The following SUGCT variants were observed in gnomAD, a reference collection of about 807,000 sequenced individuals.
SUGCT encodes the protein succinyl-CoA:glutarate CoA-transferase.
SUGCT carries 41 observed loss-of-function variants against 55.0 expected under a neutral mutation model. The ratio of observed to expected loss-of-function variants is 0.74; its 90% CI spans 0.58 to 0.97. SUGCT has a LOEUF of 0.97. SUGCT is among the 50% of genes least tolerant of loss of function. The pLI is 0.00. For missense variants in SUGCT, 568 were observed against 547.8 expected, an observed-to-expected ratio of 1.04 and a Z score of -0.37; for synonymous variants, 187 against 200.4, an observed-to-expected ratio of 0.93 and a Z score of 0.56.
rs778913706 is a variant in SUGCT, at chr7:40,448,924, A to ATGTG, written c.817-339_817-336dup. Among the ~76,000 whole-genome samples the ATGTG allele has an allele frequency of 5.0e-3, 722 of 145,188 alleles. 7 individuals are homozygous for ATGTG. The highest frequency in any genetic ancestry group is 0.015 in the African/African-American group (602 of 39,430). ...CACATATGTGTGTGTGTGTGTATAT[A>ATGTG]TGTGTGTGTGTGTGTGTGTGTGTGT... On this transcript the variant is annotated intron_variant, in intron 9 of 13. Coordinates refer to ENST00000335693, the MANE Select transcript of SUGCT (RefSeq NM_001193313.2).
At chr7:40,610,187 G>A (rs183386523) in intron 12 of SUGCT, among the ~76,000 whole-genome samples, 10 of 152,330 alleles carry the variant, frequency 6.6e-5, no homozygotes, top group African/African-American at 2.2e-4. Flanking sequence ...CTCTGGAAGG[G>A]AAGTGTGAAG....
At chr7:40,357,787 TTGATTTTTTTAACCATTTAAAAA>T (rs1476398570) in intron 9 of SUGCT, among the ~76,000 whole-genome samples, 22 of 152,310 alleles carry the variant, frequency 1.4e-4, no homozygotes, top group South Asian at 1.2e-3. Context: ...TAATCTTCTT[TTGATTTTTTTAACCATTTAAAAA>T]TGATTTTTTT....
chr7:40,870,487 T>C, the SUGCT span, among the ~76,000 whole-genome samples: 1 of 152,086 alleles, frequency 6.6e-6, no homozygotes, highest in African/African-American at 2.4e-5. Context: ...CCAAAATAAC[T>C]CCTCCATCTC....
the SUGCT span, among the ~76,000 whole-genome samples, chr7:40,934,777 G>A: frequency 6.6e-6 from 1 of 152,188 alleles, no homozygotes; most frequent in Non-Finnish European, 1.5e-5. Flanking sequence ...CTGATCTGCC[G>A]GTTGCTAAGG....
At chr7:40,702,308 C>A (rs973389662) in intron 12 of SUGCT, among the ~76,000 whole-genome samples, 1 of 152,232 alleles carries the variant, frequency 6.6e-6, no homozygotes, top group African/African-American at 2.4e-5. Flanking sequence ...TCTAACCTCT[C>A]ACTGTGTCAA....
At chr7:40,732,828 G>A (rs183054487) in intron 12 of SUGCT, among the ~76,000 whole-genome samples, 29 of 152,200 alleles carry the variant, frequency 1.9e-4, no homozygotes, top group South Asian at 1.0e-3. Context: ...GAGCCAACAC[G>A]CCTGTAATCC....
chr7:40,151,317 G>A (rs1788559975), intron 1 of SUGCT, among the ~76,000 whole-genome samples: 2 of 152,282 alleles, frequency 1.3e-5, no homozygotes, highest in South Asian at 4.1e-4. Context: ...AGAACTGGAG[G>A]TGGCTTCCAG....
At chr7:40,856,695 T>C (rs1794186680) in intron 13 of SUGCT, among the ~76,000 whole-genome samples, 1 of 152,212 alleles carries the variant, frequency 6.6e-6, no homozygotes, top group African/African-American at 2.4e-5. Flanking sequence ...ATATGGATCT[T>C]TGCCTATGAA....
chr7:40,899,841 C>T, the SUGCT span, among the ~76,000 whole-genome samples: 1 of 152,178 alleles, frequency 6.6e-6, no homozygotes, highest in Non-Finnish European at 1.5e-5. Context: ...AGTCTTTAAC[C>T]TGCCACTCCT....
intron 12 of SUGCT, among the ~76,000 whole-genome samples, chr7:40,516,100 A>G: frequency 6.6e-6 from 1 of 152,078 alleles, no homozygotes; most frequent in East Asian, 1.9e-4. Flanking sequence ...TATTTGCATT[A>G]CACTAATGAC....
At chr7:40,467,112 G>C (rs1790155389) in intron 11 of SUGCT, among the ~76,000 whole-genome samples, 1 of 147,436 alleles carries the variant, frequency 6.8e-6, no homozygotes, top group Admixed American at 6.9e-5. Flanking sequence ...TGAGGCAGGG[G>C]AATTGCTTGA....
In SUGCT at chr7:40,860,338, G is replaced by A. The variant is rs760212666; in HGVS notation, c.1176G>A (p.Lys392=). The change falls in exon 14 of 14, where the codon AAG becomes AAA. Residue 392 remains lysine, a synonymous_variant. Coordinates refer to ENST00000335693, the MANE Select transcript of SUGCT (RefSeq NM_001193313.2). The part of the protein sequence containing the change: ...SVPGPAVRYS[K]FKMSEARPPP... The stretch of plus-strand genomic sequence containing the variant: ...CAGGCCCAGCTGTGAGATACAGTAA[G>A]TTCAAGATGTCAGAGGCCAGGCCGC... 6.2e-7 allele frequency: 1 copy of A among 1,613,860 alleles called. No individual in the cohort carries two copies. The highest frequency in any genetic ancestry group is 1.3e-5 in the African/African-American group (1 of 74,936).
At chr7:40,285,718 T>G (rs73133557) in intron 8 of SUGCT, among the ~76,000 whole-genome samples, 10 of 152,196 alleles carry the variant, frequency 6.6e-5, no homozygotes, top group Non-Finnish European at 1.2e-4. Context: ...AAAATTACTT[T>G]AGTTCTTCAC....
rs746851191 is a variant in SUGCT at position 40,188,512 on chromosome 7, C to T, written c.244C>T (p.Arg82Ter). 3.1e-5 allele frequency: 49 copies of T among 1,605,562 alleles called. No individual in the cohort carries two copies. Among genetic ancestry groups the T allele is most frequent in the Admixed American group, 8.5e-5 (5 of 58,960 alleles). Reference sequence around the variant, plus strand: ...ATTTTCAGGAGCTGGTGATGATACACGAACTTGGGGGCCACCTTTTGTTGG... The same window carrying T: ...ATTTTCAGGAGCTGGTGATGATACATGAACTTGGGGGCCACCTTTTGTTGG... ...VERPGAGDDT[R>*]TWGPPFVGTE... The change falls in exon 4 of 14, where the codon CGA becomes TGA. Residue 82 changes from arginine (R) to a stop codon, truncating the protein, a stop_gained. Coordinates refer to ENST00000335693, the MANE Select transcript of SUGCT (RefSeq NM_001193313.2). LOFTEE classifies it high-confidence loss of function.
At chr7:40,717,125 A>G (rs1469665727) in intron 12 of SUGCT, among the ~76,000 whole-genome samples, 1 of 152,218 alleles carries the variant, frequency 6.6e-6, no homozygotes, top group Admixed American at 6.5e-5. Context: ...TATTTCTTGA[A>G]TGTATGCTGA....
intron 1 of SUGCT, among the ~76,000 whole-genome samples, chr7:40,138,955 GAGA>G (rs1307210674): frequency 6.6e-6 from 1 of 151,880 alleles, no homozygotes; most frequent in Admixed American, 6.6e-5. Flanking sequence ...GCCAATGTTT[GAGA>G]AGAAATCTGT....
At chr7:40,439,064 GTATATATATATATA>G (rs1183426693) in intron 9 of SUGCT, among the ~76,000 whole-genome samples, 1,582 of 27,120 alleles carry the variant, frequency 0.058, 50 homozygotes, top group Non-Finnish European at 0.079. Flanking sequence ...TATATATGGT[GTATATATATATATA>G]TATATATATA....
At chr7:40,421,753 A>C (rs1165462623) in intron 9 of SUGCT, among the ~76,000 whole-genome samples, 1 of 152,146 alleles carries the variant, frequency 6.6e-6, no homozygotes, top group Non-Finnish European at 1.5e-5. Flanking sequence ...AGTGGTAAAA[A>C]AATGCTTCCT....
At chr7:40,939,976 C>G in the SUGCT span, among the ~76,000 whole-genome samples, 5 of 151,928 alleles carry the variant, frequency 3.3e-5, no homozygotes, top group Non-Finnish European at 7.4e-5. Context: ...ATAGTTTTCC[C>G]TAGGTTTTCT....
Sources: allele counts gnomAD v4.1 joint callset (sites outside exome capture counted in the v4.1 genomes callset), GRCh38; gene constraint gnomAD v4.1.1; transcripts MANE v1.5; gene names NCBI Gene and HGNC (gene_info 2026-07-23, HGNC 2026-07-21).